Variants in PTK2B observed in about 807,000 individuals in gnomAD.
The protein encoded by PTK2B is protein tyrosine kinase 2 beta.
In PTK2B, 71 loss-of-function variants were observed where a neutral mutation model predicts 142.9. The observed-to-expected ratio is 0.50, with a 90% CI of 0.41 to 0.61. The LOEUF (loss-of-function observed/expected upper bound fraction) is 0.61, where lower values mean the gene tolerates loss of function less well. Among genes scored for constraint, PTK2B ranks in the 20% least tolerant of loss-of-function variants. The pLI, the probability that PTK2B is intolerant of heterozygous loss-of-function variation, is 0.00. For missense variants in PTK2B, 1,105 were observed against 1,320.4 expected (o/e 0.84, Z 2.53); for synonymous variants, 519 against 503.4 (o/e 1.03, Z -0.42).
intron 1 of PTK2B, among the ~76,000 whole-genome samples, chr8:27,384,192 T>C (rs1328195863): frequency 6.6e-6 from 1 of 151,792 alleles, no homozygotes; most frequent in East Asian, 1.9e-4. Context: ...AAACATGGTC[T>C]CCCTATTTGT....
chr8:27,437,590 C>A, intron 17 of PTK2B, 94 bp downstream of exon 17: 1 of 1,278,554 alleles, frequency 7.8e-7, no homozygotes, highest in Admixed American at 2.1e-5. Flanking sequence ...CTTCTGTGTT[C>A]CACTGAAATA....
At chr8:27,322,139 C>A (rs982850915), upstream of PTK2B, among the ~76,000 whole-genome samples, 1 of 152,138 alleles carries the variant, frequency 6.6e-6, no homozygotes, top group African/African-American at 2.4e-5. Flanking sequence ...TACAGGCATA[C>A]ACCACTATGC....
chr8:27,376,356 G>A (rs958257948), intron 1 of PTK2B, among the ~76,000 whole-genome samples: 5 of 152,178 alleles, frequency 3.3e-5, no homozygotes, highest in African/African-American at 1.2e-4. Flanking sequence ...GATTCCTGTG[G>A]GCTTCTTGAG....
At chr8:27,429,743 G>A (rs1396808018) in intron 5 of PTK2B, among the ~76,000 whole-genome samples, 1 of 152,196 alleles carries the variant, frequency 6.6e-6, no homozygotes, top group Non-Finnish European at 1.5e-5. Flanking sequence ...AGGACCTGCA[G>A]GTGAAGGTCA....
intron 1 of PTK2B, among the ~76,000 whole-genome samples, chr8:27,362,113 C>A (rs1805744615): frequency 6.6e-6 from 1 of 152,218 alleles, no homozygotes; most frequent in South Asian, 2.1e-4. Flanking sequence ...CTGGGCAGGC[C>A]TGCTCTAATC....
chr8:27,436,988 A>G, intron 15 of PTK2B, 134 bp from the exon 16 acceptor site: 1 of 770,748 alleles, frequency 1.3e-6, no homozygotes, highest in Non-Finnish European at 2.3e-6. Flanking sequence ...GACAAAGGGG[A>G]GAAGAAGAGA....
rs1256527859 is a variant in PTK2B at position 27,436,496 on chromosome 8, G to T, written c.1341+148G>T. 1.2e-5 allele frequency: 8 copies of T among 675,388 alleles called. No individual in the cohort carries two copies. The African/African-American group carries it at 1.4e-4, about 12-fold the overall frequency. 41.8% of individuals were successfully genotyped at this position (675,388 alleles called of 1,614,324 possible). ...GGCCTCTTGTCCACTGGGCATGGTG[G>T]TATTTATTAAATACTCAAAGAGTGG... is the stretch of plus-strand genomic sequence containing the variant. On this transcript the variant is annotated intron_variant, in intron 15 of 30. Coordinates refer to ENST00000346049, the MANE Select transcript of PTK2B (RefSeq NM_173176.3).
chr8:27,393,405 C>G (rs1807841360), intron 1 of PTK2B, among the ~76,000 whole-genome samples: 1 of 152,138 alleles, frequency 6.6e-6, no homozygotes, highest in Non-Finnish European at 1.5e-5. Flanking sequence ...AAATATTTCT[C>G]CTTGAGCTAT....
intron 2 of PTK2B, among the ~76,000 whole-genome samples, chr8:27,410,228 G>T (rs1808975452): frequency 1.3e-5 from 2 of 152,224 alleles, no homozygotes; most frequent in South Asian, 4.1e-4. Context: ...TGCATTGGAG[G>T]AAGCGTGTTG....
intron 2 of PTK2B, among the ~76,000 whole-genome samples, chr8:27,401,118 G>C (rs1393379319): frequency 6.8e-6 from 1 of 147,508 alleles, no homozygotes; most frequent in Non-Finnish European, 1.5e-5. Flanking sequence ...CAGCCCAGGT[G>C]ACAGTGTGAG....
At chr8:27,437,092 C>A in intron 15 of PTK2B, 30 bp from the exon 16 acceptor site, 1 of 1,599,340 alleles carries the variant, frequency 6.3e-7, no homozygotes, top group Non-Finnish European at 8.6e-7. Context: ...TGGGCTGGAC[C>A]AAGGGGTCCT....
At chr8:27,331,007 G>A (rs1053917542) in intron 1 of PTK2B, among the ~76,000 whole-genome samples, 1 of 152,174 alleles carries the variant, frequency 6.6e-6, no homozygotes, top group Non-Finnish European at 1.5e-5. Context: ...GGCTGTGTTC[G>A]CTAACATCTT....
At chr8:27,447,093 G>A (rs1251784468) in intron 24 of PTK2B, among the ~76,000 whole-genome samples, 1 of 152,142 alleles carries the variant, frequency 6.6e-6, no homozygotes, top group Non-Finnish European at 1.5e-5. Context: ...TGTTATTTTA[G>A]AAAGAAGCTA....
intron 3 of PTK2B, among the ~76,000 whole-genome samples, chr8:27,315,632 C>A (rs1307704440): frequency 2.0e-5 from 3 of 148,632 alleles, no homozygotes; most frequent in African/African-American, 7.4e-5. Context: ...TTTGTTGGGT[C>A]TTTTTTTTTT....
chr8:27,331,770 A>C (rs1272194302), intron 1 of PTK2B, among the ~76,000 whole-genome samples: 5 of 152,096 alleles, frequency 3.3e-5, no homozygotes, highest in African/African-American at 1.2e-4. Flanking sequence ...TACTGGTGTG[A>C]GCCACCACAC....
intron 2 of PTK2B, among the ~76,000 whole-genome samples, chr8:27,409,262 T>TA (rs966697771): frequency 6.6e-6 from 1 of 152,066 alleles, no homozygotes; most frequent in Non-Finnish European, 1.5e-5. Flanking sequence ...GATAGATGTA[T>TA]AAAGTTTTTT....
chr8:27,338,591 T>G (rs1804218011), intron 1 of PTK2B, among the ~76,000 whole-genome samples: 1 of 152,212 alleles, frequency 6.6e-6, no homozygotes, highest in African/African-American at 2.4e-5. Context: ...ATCTATATTA[T>G]AGTATGGTGG....
chr8:27,381,661 A>AT (rs1315813018), intron 1 of PTK2B, among the ~76,000 whole-genome samples: 12 of 152,172 alleles, frequency 7.9e-5, no homozygotes, highest in Admixed American at 2.0e-4. Flanking sequence ...TCTGGAAAAA[A>AT]TCCCTAGTAG....
At chr8:27,402,555 A>T (rs547946434) in intron 2 of PTK2B, among the ~76,000 whole-genome samples, 1 of 152,042 alleles carries the variant, frequency 6.6e-6, no homozygotes, top group Non-Finnish European at 1.5e-5. Context: ...TCCATCATCC[A>T]CTCCACAAAT....
Sources: allele counts gnomAD v4.1 joint callset (sites outside exome capture counted in the v4.1 genomes callset), GRCh38; gene constraint gnomAD v4.1.1; transcripts MANE v1.5; gene names NCBI Gene and HGNC (gene_info 2026-07-23, HGNC 2026-07-21).